EPAS1: variants seen among roughly 807,000 people sequenced by gnomAD.
EPAS1 encodes endothelial PAS domain protein 1.
In EPAS1, 23 loss-of-function variants were observed where a neutral mutation model predicts 87.9. The ratio of observed to expected loss-of-function variants is 0.26; its 90% confidence interval spans 0.19 to 0.37. The LOEUF is 0.37. Among genes scored for constraint, EPAS1 ranks in the 10% least tolerant of loss-of-function variants. The pLI is 1.00. For synonymous variants in EPAS1, 508 were observed against 444.3 expected, an observed-to-expected ratio of 1.14 and a Z score of -1.80; for missense variants, 1,138 against 1,120.7, an observed-to-expected ratio of 1.02 and a Z score of -0.22.
intron 1 of EPAS1, among the ~76,000 whole-genome samples, chr2:46,318,966 T>C (rs912649251): frequency 6.6e-6 from 1 of 152,210 alleles, no homozygotes; most frequent in Non-Finnish European, 1.5e-5. Context: ...CCCTTATTCA[T>C]TGACATGTCC....
At chr2:46,318,088 C>T (rs1306050974) in intron 1 of EPAS1, among the ~76,000 whole-genome samples, 4 of 152,070 alleles carry the variant, frequency 2.6e-5, no homozygotes, top group Non-Finnish European at 4.4e-5. Context: ...CATTCGAACA[C>T]ATAGAGCCCA....
intron 2 of EPAS1, among the ~76,000 whole-genome samples, chr2:46,353,276 C>A (rs539614114): frequency 6.6e-6 from 1 of 152,182 alleles, no homozygotes; most frequent in Non-Finnish European, 1.5e-5. Flanking sequence ...TAGCTCTCAG[C>A]ATGTGGTCCT....
intron 6 of EPAS1, among the ~76,000 whole-genome samples, chr2:46,361,813 T>C (rs1315640175): frequency 6.6e-6 from 1 of 152,214 alleles, no homozygotes; most frequent in African/African-American, 2.4e-5. Context: ...TTAGCTCATT[T>C]AGAAGATTGA....
intron 1 of EPAS1, among the ~76,000 whole-genome samples, chr2:46,317,563 C>A (rs1683367935): frequency 6.6e-6 from 1 of 152,110 alleles, no homozygotes; most frequent in Non-Finnish European, 1.5e-5. Flanking sequence ...TTTTAAGAAC[C>A]CTAGGACTTA....
At chr2:46,372,861 C>G (rs888695419) in intron 7 of EPAS1, among the ~76,000 whole-genome samples, 4 of 152,242 alleles carry the variant, frequency 2.6e-5, no homozygotes, top group Non-Finnish European at 2.9e-5. Context: ...AATACAGGCA[C>G]TTGAAATTGT....
chr2:46,308,685 A>G (rs1032806562), intron 1 of EPAS1, among the ~76,000 whole-genome samples: 3 of 152,222 alleles, frequency 2.0e-5, no homozygotes, highest in African/African-American at 7.2e-5. Flanking sequence ...TTTATATCAG[A>G]TGCAAACGTC....
rs560085484 is a variant in EPAS1 at position 46,375,318 on chromosome 2, C to T, written c.887-372C>T. On this transcript the variant is annotated intron_variant, in intron 7 of 15. Transcript: ENST00000263734. This position sits in a 1 kb window ranked among gnomAD's most constrained non-coding sequence, Gnocchi z 4.1. ...TGAAGGGGCTTCTTCTCATTGAACCCCATGAAGAAAGTAAGGCAGGTTCTG... is the reference window on the plus strand; with the variant it reads ...TGAAGGGGCTTCTTCTCATTGAACCTCATGAAGAAAGTAAGGCAGGTTCTG... 2.6e-5 allele frequency among the ~76,000 whole-genome samples: 4 copies of T among 152,150 alleles called. No homozygotes were observed. Among genetic ancestry groups the T allele is most frequent in the African/African-American group, 9.6e-5 (4 of 41,522 alleles).
intron 1 of EPAS1, among the ~76,000 whole-genome samples, chr2:46,338,870 G>A (rs1465457324): frequency 6.6e-6 from 1 of 151,320 alleles, no homozygotes; most frequent in African/African-American, 2.4e-5. Context: ...CAGTAATGCT[G>A]GCTGTGGTCC....
chr2:46,382,392 T>C (rs1405328176), intron 14 of EPAS1, 33 bp from the exon 15 acceptor site: 1 of 1,613,838 alleles, frequency 6.2e-7, no homozygotes, highest in Non-Finnish European at 8.5e-7. Flanking sequence ...CTCAGGCCAA[T>C]GCTACCGTCA....
chr2:46,338,371 G>T (rs1248439406), intron 1 of EPAS1, among the ~76,000 whole-genome samples: 2 of 152,220 alleles, frequency 1.3e-5, no homozygotes, highest in Non-Finnish European at 2.9e-5. Context: ...AGCTTGCGGA[G>T]GTTAATTAGT....
chr2:46,344,349 A>G (rs1481959731), intron 1 of EPAS1, among the ~76,000 whole-genome samples: 1 of 152,216 alleles, frequency 6.6e-6, no homozygotes, highest in African/African-American at 2.4e-5. Flanking sequence ...TTAATGCCAT[A>G]GCCTGTGCTG....
chr2:46,321,183 T>C (rs1683449086), intron 1 of EPAS1, among the ~76,000 whole-genome samples: 1 of 152,262 alleles, frequency 6.6e-6, no homozygotes, highest in Admixed American at 6.5e-5. Flanking sequence ...GTTTTCAAGG[T>C]TCATCCAAGT....
At position 46,347,048 on chromosome 2, in the gene EPAS1, A is replaced by C. The variant is rs1432214749; in HGVS notation, c.202A>C (p.Lys68Gln). Residue 68 changes from lysine (K) to glutamine (Q), a missense_variant, in exon 2 of 16, where the codon AAG becomes CAG. Physicochemically the swap from Lys to Gln is moderately conservative, Grantham distance 53. Transcript: ENST00000263734. This position sits in a 1 kb window ranked among gnomAD's most constrained non-coding sequence, Gnocchi z 4.2. Reference sequence around the variant, plus strand: ...GGCAATCAGCTTCCTGCGAACACACAAGCTCCTCTCCTCAGGTAAGGCCAG... The same window carrying C: ...GGCAATCAGCTTCCTGCGAACACACCAGCTCCTCTCCTCAGGTAAGGCCAG... ...RLAISFLRTHKLLSSVCSENE... is the reference protein window; with the variant it reads ...RLAISFLRTHQLLSSVCSENE... 1 of 1,614,042 alleles carries C rather than the reference A, an allele frequency of 6.2e-7. No homozygotes were observed. The highest frequency in any genetic ancestry group is 1.1e-5 in the South Asian group (1 of 91,082).
intron 1 of EPAS1, among the ~76,000 whole-genome samples, chr2:46,338,797 C>T (rs1180013773): frequency 6.6e-6 from 1 of 152,142 alleles, no homozygotes; most frequent in African/African-American, 2.4e-5. Flanking sequence ...GAGACTGTTG[C>T]ATGTTCTGTC....
At chr2:46,332,609 C>G (rs1683709305) in intron 1 of EPAS1, among the ~76,000 whole-genome samples, 2 of 152,090 alleles carry the variant, frequency 1.3e-5, no homozygotes, top group Admixed American at 1.3e-4. Context: ...GTGGGCTGTT[C>G]TTTAGCCCCA....
At chr2:46,356,129 T>TGGGG in intron 2 of EPAS1, 22 bp from the exon 3 acceptor site, 1 of 1,242,734 alleles carries the variant, frequency 8.0e-7, no homozygotes, top group Non-Finnish European at 1.1e-6. Context: ...ATGCAAGCTG[T>TGGGG]CCCACCCCCC....
At chr2:46,305,663 A>G (rs572340091) in intron 1 of EPAS1, among the ~76,000 whole-genome samples, 28 of 152,334 alleles carry the variant, frequency 1.8e-4, no homozygotes, top group African/African-American at 6.3e-4. Flanking sequence ...CTATAAAGCC[A>G]TGGAAGTGGA....
At position 46,380,053 on chromosome 2, in the gene EPAS1, T is replaced by G; in HGVS notation, c.1555-174T>G. On this transcript the variant is annotated intron_variant, in intron 11 of 15. Transcript: ENST00000263734. The surrounding 1 kb of genome is among the most constrained non-coding windows in gnomAD (Gnocchi z 4.4). ...GGTACATGATACAAGGTCGTGTACA[T>G]GACACAGCCAAGTCTGAGGTTTTCC... 1.0e-6 allele frequency: 1 copy of G among 974,614 alleles called. No homozygotes were observed. 60.4% of individuals were successfully genotyped at this position (974,614 alleles called of 1,614,324 possible).
intron 3 of EPAS1, 40 bp downstream of exon 3, chr2:46,356,342 T>C: frequency 6.2e-7 from 1 of 1,613,048 alleles, no homozygotes; most frequent in Non-Finnish European, 8.5e-7. Flanking sequence ...AAGAAATGTT[T>C]CCATTTGGGG....
Sources: allele counts gnomAD v4.1 joint callset (sites outside exome capture counted in the v4.1 genomes callset), GRCh38; gene constraint gnomAD v4.1.1; non-coding constraint Gnocchi (gnomAD v3.1); transcripts MANE v1.5; gene names NCBI Gene and HGNC (gene_info 2026-07-23, HGNC 2026-07-21).